FBXL17: variants seen among roughly 807,000 people sequenced by gnomAD.
FBXL17 encodes F-box and leucine rich repeat protein 17.
In FBXL17, 22 loss-of-function variants were observed where a neutral mutation model predicts 66.2. The ratio of observed to expected loss-of-function variants is 0.33; its 90% confidence interval spans 0.24 to 0.47. FBXL17 has a LOEUF of 0.47. Among genes scored for constraint, FBXL17 ranks in the 20% least tolerant of loss-of-function variants. FBXL17 has a pLI of 1.00. For synonymous variants in FBXL17, 474 were observed against 400.5 expected (o/e 1.18, Z -2.19); for missense variants, 878 against 948.2 (o/e 0.93, Z 0.97).
intron 4 of FBXL17, among the ~76,000 whole-genome samples, chr5:108,238,754 A>G (rs932897637): frequency 2.0e-5 from 3 of 152,098 alleles, no homozygotes; most frequent in African/African-American, 7.2e-5. Flanking sequence ...TAAGCAATCC[A>G]GCTGCCTCAG....
At chr5:107,889,580 C>T (rs1749124844) in intron 7 of FBXL17, among the ~76,000 whole-genome samples, 1 of 152,168 alleles carries the variant, frequency 6.6e-6, no homozygotes, top group African/African-American at 2.4e-5. Flanking sequence ...GTCTGACTCA[C>T]AAAGGGAGCA....
intron 7 of FBXL17, among the ~76,000 whole-genome samples, chr5:107,947,079 C>T (rs1313118106): frequency 6.6e-6 from 1 of 152,178 alleles, no homozygotes; most frequent in African/African-American, 2.4e-5. Flanking sequence ...TCACCTACGT[C>T]TCTCAGTAAA....
chr5:108,237,263 A>T (rs1370539012), intron 4 of FBXL17, among the ~76,000 whole-genome samples: 1 of 152,232 alleles, frequency 6.6e-6, no homozygotes, highest in Non-Finnish European at 1.5e-5. Flanking sequence ...ACTTCATGTT[A>T]AGTGCTGATG....
intron 4 of FBXL17, among the ~76,000 whole-genome samples, chr5:108,256,535 TCCATATCTCCAAATA>T (rs913935310): frequency 6.6e-6 from 1 of 152,066 alleles, no homozygotes; most frequent in Non-Finnish European, 1.5e-5. Flanking sequence ...GGAATTTACT[TCCATATCTCCAAATA>T]CCATATCTCC....
intron 6 of FBXL17, among the ~76,000 whole-genome samples, chr5:108,105,101 G>A (rs928500373): frequency 6.6e-5 from 10 of 152,188 alleles, no homozygotes; most frequent in African/African-American, 1.7e-4. Flanking sequence ...TCGGCCTCCC[G>A]AAGTGCTGGG....
At chr5:108,001,348 T>A (rs1285499273) in intron 7 of FBXL17, among the ~76,000 whole-genome samples, 1 of 152,132 alleles carries the variant, frequency 6.6e-6, no homozygotes, top group East Asian at 1.9e-4. Context: ...ATGGAATTAA[T>A]CCCTAATTAA....
chr5:108,374,889 TTAAA>T (rs1228912859), intron 1 of FBXL17, among the ~76,000 whole-genome samples: 3 of 151,834 alleles, frequency 2.0e-5, no homozygotes, highest in Non-Finnish European at 4.4e-5. Context: ...GTAACTACAT[TTAAA>T]AAGAAGAAAG....
At chr5:108,363,021 T>C (rs962196727) in intron 3 of FBXL17, among the ~76,000 whole-genome samples, 1 of 152,012 alleles carries the variant, frequency 6.6e-6, no homozygotes, top group Non-Finnish European at 1.5e-5. Flanking sequence ...AAATCATCAA[T>C]TATGGCTAGT....
At chr5:108,081,535 C>CA (rs575030203) in intron 6 of FBXL17, among the ~76,000 whole-genome samples, 79 of 152,080 alleles carry the variant, frequency 5.2e-4, no homozygotes, top group African/African-American at 1.8e-3. Flanking sequence ...TCCTGGCTAA[C>CA]ACGGTGAAAC....
intron 5 of FBXL17, among the ~76,000 whole-genome samples, chr5:108,200,135 G>A (rs1195519526): frequency 2.0e-5 from 3 of 152,138 alleles, no homozygotes; most frequent in Non-Finnish European, 4.4e-5. Context: ...CTGGAACCAC[G>A]GAGGAGACAG....
intron 7 of FBXL17, among the ~76,000 whole-genome samples, chr5:107,891,846 G>A (rs1561520174): frequency 6.6e-6 from 1 of 152,024 alleles, no homozygotes; most frequent in Non-Finnish European, 1.5e-5. Context: ...GACTAGCTGA[G>A]TCTTTCTTAT....
intron 4 of FBXL17, among the ~76,000 whole-genome samples, chr5:108,252,330 A>G (rs1480064355): frequency 3.3e-5 from 5 of 152,144 alleles, no homozygotes; most frequent in Admixed American, 2.0e-4. Flanking sequence ...CAGAGCAATT[A>G]AGCTGCAATG....
At chr5:108,010,959 T>C (rs985662413) in intron 7 of FBXL17, among the ~76,000 whole-genome samples, 1 of 152,210 alleles carries the variant, frequency 6.6e-6, no homozygotes, top group Non-Finnish European at 1.5e-5. Context: ...CTGATATTTA[T>C]CTAAAGTCCA....
intron 7 of FBXL17, among the ~76,000 whole-genome samples, chr5:107,968,054 T>C (rs1752223231): frequency 6.6e-6 from 1 of 152,120 alleles, no homozygotes; most frequent in South Asian, 2.1e-4. Flanking sequence ...AAATATGATG[T>C]TTTGATTATG....
At chr5:108,061,609 TCAGG>T (rs1342972066) in intron 6 of FBXL17, among the ~76,000 whole-genome samples, 1 of 152,102 alleles carries the variant, frequency 6.6e-6, no homozygotes, top group Non-Finnish European at 1.5e-5. Context: ...AAACGAATAG[TCAGG>T]TCTGTAAAAT....
intron 4 of FBXL17, among the ~76,000 whole-genome samples, chr5:108,320,937 C>T (rs1025441679): frequency 1.3e-5 from 2 of 151,754 alleles, no homozygotes; most frequent in African/African-American, 2.4e-5. Flanking sequence ...TGCCTATCTG[C>T]GAACCAAACT....
At chr5:108,027,661 T>C (rs943397263) in intron 6 of FBXL17, among the ~76,000 whole-genome samples, 8 of 152,140 alleles carry the variant, frequency 5.3e-5, no homozygotes, top group African/African-American at 1.9e-4. Context: ...TTTGTGACTG[T>C]AGTTGATATT....
chr5:108,230,588 T>G (rs926738658), intron 4 of FBXL17, among the ~76,000 whole-genome samples: 19 of 151,462 alleles, frequency 1.3e-4, no homozygotes, highest in Admixed American at 2.0e-4. Flanking sequence ...AGGAGGGGGG[T>G]AAGGGATAAA....
intron 7 of FBXL17, among the ~76,000 whole-genome samples, chr5:107,906,738 A>T (rs537874293): frequency 6.6e-6 from 1 of 152,322 alleles, no homozygotes; most frequent in South Asian, 2.1e-4. Flanking sequence ...ATAACTGCAA[A>T]TTGTTATGAA....
Sources: allele counts gnomAD v4.1 joint callset (sites outside exome capture counted in the v4.1 genomes callset), GRCh38; gene constraint gnomAD v4.1.1; transcripts MANE v1.5; gene names NCBI Gene and HGNC (gene_info 2026-07-23, HGNC 2026-07-21).